The following SBF2 variants were observed in gnomAD, a reference collection of about 807,000 sequenced individuals.
SBF2 encodes myotubularin-related protein 13.
Under a neutral mutation model 225.2 loss-of-function variants are expected in SBF2, and 112 were observed. The observed-to-expected ratio is 0.50, with a 90% CI of 0.43 to 0.58. SBF2 has a LOEUF of 0.58. Ranked by LOEUF, SBF2 falls within the 20% of genes least tolerant of loss-of-function variation. The pLI, the probability that SBF2 is intolerant of heterozygous loss-of-function variation, is 0.00. For missense variants in SBF2, 1,996 were observed against 2,206.2 expected (o/e 0.90, Z 1.91); for synonymous variants, 763 against 773.3 (o/e 0.99, Z 0.22).
At chr11:9,868,761 G>GACATCTGACAC (rs1277246326) in intron 17 of SBF2, among the ~76,000 whole-genome samples, 5 of 152,162 alleles carry the variant, frequency 3.3e-5, no homozygotes, top group Non-Finnish European at 2.9e-5. Context: ...TCCCAGTGGT[G>GACATCTGACAC]ACATCTGACA....
chr11:10,147,862 T>C (rs915179018), intron 2 of SBF2, among the ~76,000 whole-genome samples: 1 of 152,200 alleles, frequency 6.6e-6, no homozygotes, highest in East Asian at 1.9e-4. Context: ...TAAGTAATTA[T>C]GGTAAAATAC....
At chr11:9,920,414 C>T (rs993692191) in intron 16 of SBF2, among the ~76,000 whole-genome samples, 1 of 152,006 alleles carries the variant, frequency 6.6e-6, no homozygotes, top group East Asian at 1.9e-4. Context: ...GTTTATGAGA[C>T]CTGATCTAGA....
rs150202646 is a variant in SBF2, at chr11:10,115,744, T to C, written c.142-72763A>G. On this transcript the variant is annotated intron_variant, in intron 2 of 39. Transcript: ENST00000256190. ...ACTATATAACCTCAAACCTAAAATATATCTTTCACACTTTAATGTTTCTAC... is the reference window on the plus strand; with the variant it reads ...ACTATATAACCTCAAACCTAAAATACATCTTTCACACTTTAATGTTTCTAC... Among the ~76,000 whole-genome samples the C allele has an allele frequency of 1.7e-4, 26 of 152,326 alleles. No homozygotes were observed. The East Asian group carries it at 2.1e-3, about 12-fold the overall frequency.
At chr11:10,166,834 T>C (rs4543988) in intron 2 of SBF2, among the ~76,000 whole-genome samples, 11,090 of 151,946 alleles carry the variant, frequency 0.073, 591 homozygotes, top group East Asian at 0.28. Context: ...TAGTGGCGCA[T>C]GCCTGTAGTC....
intron 32 of SBF2, among the ~76,000 whole-genome samples, chr11:9,801,007 T>C (rs796997030): frequency 5.9e-5 from 9 of 151,986 alleles, no homozygotes; most frequent in African/African-American, 1.9e-4. Context: ...TTCTTTATTG[T>C]TGGCCACAAG....
At chr11:10,272,746 C>T (rs36170347) in intron 1 of SBF2, among the ~76,000 whole-genome samples, 70,957 of 151,300 alleles carry the variant, frequency 0.47, 17,270 homozygotes, top group Non-Finnish European at 0.54. Flanking sequence ...GCCTGGGCAA[C>T]AGAGCCAGAC....
intron 14 of SBF2, among the ~76,000 whole-genome samples, chr11:9,968,020 G>T (rs1867080228): frequency 6.8e-6 from 1 of 147,164 alleles, no homozygotes; most frequent in Non-Finnish European, 1.5e-5. Context: ...AAATTAAATA[G>T]TAATAATGGT....
intron 2 of SBF2, among the ~76,000 whole-genome samples, chr11:10,047,230 C>G (rs1368106432): frequency 6.6e-6 from 1 of 152,032 alleles, no homozygotes; most frequent in Non-Finnish European, 1.5e-5. Flanking sequence ...ATAATTCCAA[C>G]AAAAATCCCA....
chr11:9,869,711 G>A (rs914812874), intron 17 of SBF2, among the ~76,000 whole-genome samples: 3 of 152,046 alleles, frequency 2.0e-5, no homozygotes, highest in African/African-American at 7.2e-5. Context: ...TCATAATAAT[G>A]AGAGCCATAT....
At chr11:9,884,728 ACTGTAGTTTGTACCATTT>A in intron 17 of SBF2, among the ~76,000 whole-genome samples, 1 of 152,322 alleles carries the variant, frequency 6.6e-6, no homozygotes, top group African/African-American at 2.4e-5. Flanking sequence ...TATGGGAGGC[ACTGTAGTTTGTACCATTT>A]CTGACTTTCT....
intron 2 of SBF2, among the ~76,000 whole-genome samples, chr11:10,130,881 T>C (rs1954012287): frequency 6.6e-6 from 1 of 152,184 alleles, no homozygotes; most frequent in African/African-American, 2.4e-5. Flanking sequence ...AGTTCATTAC[T>C]TTATATTGCT....
chr11:9,977,327 A>G (rs1946741683), intron 13 of SBF2, among the ~76,000 whole-genome samples: 1 of 151,888 alleles, frequency 6.6e-6, no homozygotes. Flanking sequence ...CTACAAAAAA[A>G]TTACAAAAAA....
intron 1 of SBF2, among the ~76,000 whole-genome samples, chr11:10,206,880 A>G (rs531079068): frequency 6.6e-6 from 1 of 152,188 alleles, no homozygotes; most frequent in South Asian, 2.1e-4. Flanking sequence ...TCCACTATTC[A>G]TATCACTGGA....
intron 2 of SBF2, among the ~76,000 whole-genome samples, chr11:10,146,143 A>G (rs959100463): frequency 6.6e-6 from 1 of 152,176 alleles, no homozygotes; most frequent in Non-Finnish European, 1.5e-5. Context: ...AAATGGCCAT[A>G]TTGCCCAAAG....
chr11:9,998,320 G>A lies in SBF2; in HGVS notation c.921C>T (p.His307=), dbSNP rs1947799524. ...GGTIKIPECI[H]LSSLPEPLLH... is the part of the protein sequence containing the mutation. ...GAAGTGGTTCTGGGAGGGAAGAGAG[G>A]TGAATACATTCGGGAATTTTAATAG... Residue 307 remains histidine (H), a synonymous_variant, in exon 9 of 40, where the codon CAC becomes CAT. Transcript: ENST00000256190. 7 of 1,609,888 alleles carry A rather than the reference G, an allele frequency of 4.3e-6. No homozygotes were observed. The highest frequency in any genetic ancestry group is 5.1e-6 in the Non-Finnish European group (6 of 1,176,400).
chr11:10,076,203 C>T (rs1263353580), intron 2 of SBF2, among the ~76,000 whole-genome samples: 9 of 152,138 alleles, frequency 5.9e-5, no homozygotes, highest in Admixed American at 5.2e-4. Context: ...TGGGGAGCTC[C>T]GTGACCCTAC....
chr11:9,941,916 G>A (rs561307289), intron 16 of SBF2, among the ~76,000 whole-genome samples: 1 of 152,198 alleles, frequency 6.6e-6, no homozygotes, highest in East Asian at 1.9e-4. Flanking sequence ...AAGGAAGTTT[G>A]CAATATTAAT....
intron 33 of SBF2, among the ~76,000 whole-genome samples, chr11:9,791,442 A>T (rs1458872233): frequency 7.2e-6 from 1 of 139,306 alleles, no homozygotes; most frequent in East Asian, 2.1e-4. Context: ...AAAAAAAAAG[A>T]CTCAAGCCCA....
intron 13 of SBF2, among the ~76,000 whole-genome samples, chr11:9,972,848 A>G (rs1946524950): frequency 6.6e-6 from 1 of 152,240 alleles, no homozygotes. Flanking sequence ...ATCCATACAC[A>G]ATTTAGAATT....
Sources: gnomAD v4.1 joint callset for allele counts (sites outside exome capture counted in the v4.1 genomes callset) on GRCh38, gnomAD v4.1.1 for gene constraint, MANE v1.5 for transcripts, NCBI Gene and HGNC (gene_info 2026-07-23, HGNC 2026-07-21) for gene names.